Variants in SEC14L2 observed in about 807,000 individuals in gnomAD.
SEC14L2 encodes SEC14 like lipid binding 2.
Under a neutral mutation model 56.9 loss-of-function variants are expected in SEC14L2, and 50 were observed. The ratio of observed to expected loss-of-function variants is 0.88; its 90% CI spans 0.70 to 1.11. The LOEUF is 1.11. Ranked by LOEUF, SEC14L2 falls within the 50% of genes most tolerant of loss-of-function variation. SEC14L2 has a pLI of 0.00. For missense variants in SEC14L2, 414 were observed against 500.7 expected, an observed-to-expected ratio of 0.83 and a Z score of 1.65; for synonymous variants, 179 against 188.5, an observed-to-expected ratio of 0.95 and a Z score of 0.41.
At chr22:30,411,839 C>T (rs1934259236) in intron 8 of SEC14L2, among the ~76,000 whole-genome samples, 1 of 147,902 alleles carries the variant, frequency 6.8e-6, no homozygotes, top group South Asian at 2.2e-4. Context: ...GGTAAATGTA[C>T]AGAAGGGGAA....
intron 8 of SEC14L2, among the ~76,000 whole-genome samples, chr22:30,411,260 T>C (rs1934238217): frequency 6.6e-6 from 1 of 151,122 alleles, no homozygotes; most frequent in Non-Finnish European, 1.5e-5. Flanking sequence ...GACCTTGTTT[T>C]TTAAAAAAAG....
At chr22:30,415,894 C>T (rs1413970447) in intron 9 of SEC14L2, 29 bp downstream of exon 9, 1 of 1,614,176 alleles carries the variant, frequency 6.2e-7, no homozygotes, top group South Asian at 1.1e-5. Flanking sequence ...TAGAGGTGAA[C>T]AGGGATGCCT....
At chr22:30,422,235 C>T in intron 11 of SEC14L2, 42 bp from the exon 12 acceptor site, 1 of 1,611,220 alleles carries the variant, frequency 6.2e-7, no homozygotes. Context: ...AGCCCTTTGC[C>T]AGAACTGCCT....
rs776919983 is a variant in SEC14L2 at position 30,409,213 on chromosome 22, C to T, written c.450C>T (p.Thr150=). 8.7e-6 allele frequency: 14 copies of T among 1,612,658 alleles called. No individual in the cohort carries two copies. The highest frequency in any genetic ancestry group is 1.2e-5 in the Non-Finnish European group (14 of 1,179,272). The change falls in exon 6 of 12, where the codon ACC becomes ACT. Residue 150 remains threonine (T), a synonymous_variant. Coordinates refer to ENST00000615189, the MANE Select transcript of SEC14L2 (RefSeq NM_012429.5). ...TGGGGAGGAAGGTGGAGACCATCAC[C>T]ATAATTTATGACTGCGAGGGGCTTG... is the stretch of plus-strand genomic sequence containing the variant. ...TKLGRKVETI[T]IIYDCEGLGL...
intron 6 of SEC14L2, 56 bp downstream of exon 6, chr22:30,409,338 C>T: frequency 1.3e-6 from 2 of 1,594,552 alleles, no homozygotes; most frequent in South Asian, 2.2e-5. Flanking sequence ...AGGAGTAGAC[C>T]CCTCTCCTAG....
In SEC14L2 at chr22:30,399,672, G is replaced by A. The variant is rs770175976; in HGVS notation, c.84G>A (p.Pro28=). The change falls in exon 2 of 12, where the codon CCG becomes CCA. Residue 28 remains proline, a synonymous_variant. Transcript: ENST00000615189. ...GGGAGAATGTCCAGGATGTGCTGCC[G>A]GCCCTGCCGAATCCAGATGACTATT... is the stretch of plus-strand genomic sequence containing the variant. ...KFRENVQDVL[P]ALPNPDDYFL... The A allele has an allele frequency of 1.9e-5, 31 of 1,613,744 alleles. No homozygotes were observed. Among genetic ancestry groups the A allele is most frequent in the East Asian group, 6.7e-5 (3 of 44,878 alleles).
intron 1 of SEC14L2, chr22:30,397,799 G>A (rs779627699): frequency 4.3e-6 from 2 of 468,768 alleles, no homozygotes; most frequent in Non-Finnish European, 4.4e-6. Context: ...GAGACCAGCC[G>A]TCCCCTATCT....
At chr22:30,409,066 G>T (rs1486190619) in intron 5 of SEC14L2, 121 bp from the exon 6 acceptor site, 1 of 898,486 alleles carries the variant, frequency 1.1e-6, no homozygotes, top group Non-Finnish European at 1.9e-6. Context: ...AAAACTCTAG[G>T]TCCGGCCCTA....
chr22:30,404,840 C>T (rs1445951150), intron 2 of SEC14L2, among the ~76,000 whole-genome samples: 5 of 152,124 alleles, frequency 3.3e-5, no homozygotes, highest in East Asian at 1.9e-4. Flanking sequence ...GAGGCCCAGG[C>T]GGGTGGATCA....
At position 30,414,987 on chromosome 22, in the gene SEC14L2, A is replaced by G. The variant is rs1442134177; in HGVS notation, c.665-772A>G. ...AGTATAATCAGGACAGGGTATGTGC[A>G]TTCAGGCCTTCCTGCCCGCCACACG... On this transcript the variant is annotated intron_variant, in intron 8 of 11. Transcript: ENST00000615189. 3.3e-5 allele frequency among the ~76,000 whole-genome samples: 5 copies of G among 152,184 alleles called. No individual in the cohort carries two copies. In the East Asian group the frequency reaches 7.7e-4, roughly 23 times the overall value.
At chr22:30,409,372 C>T (rs1225331751) in intron 6 of SEC14L2, 54 bp from the exon 7 acceptor site, 1 of 1,604,552 alleles carries the variant, frequency 6.2e-7, no homozygotes, top group Non-Finnish European at 8.5e-7. Flanking sequence ...ATGGGTGAGG[C>T]AATGGGGGCA....
In SEC14L2 at chr22:30,422,389, G is replaced by A. The variant is rs751027997; in HGVS notation, c.1194G>A (p.Gly398=). Reference sequence around the variant, plus strand: ...CAGAAGAGAAGATGAAACAGCTGGGGGCAGGCACCCCGAAATAACACCTTC... The same window carrying A: ...CAGAAGAGAAGATGAAACAGCTGGGAGCAGGCACCCCGAAATAACACCTTC... ...KASEEKMKQL[G]AGTPK Residue 398 remains glycine, a synonymous_variant, in exon 12 of 12, where the codon GGG becomes GGA. Coordinates refer to ENST00000615189, the MANE Select transcript of SEC14L2 (RefSeq NM_012429.5). The A allele has an allele frequency of 3.1e-6, 5 of 1,614,180 alleles. No individual in the cohort carries two copies. The highest frequency in any genetic ancestry group is 2.2e-5 in the South Asian group (2 of 91,080).
intron 8 of SEC14L2, among the ~76,000 whole-genome samples, chr22:30,414,049 T>C (rs993436858): frequency 1.3e-5 from 2 of 152,138 alleles, no homozygotes; most frequent in African/African-American, 2.4e-5. Context: ...CAGGTTGATC[T>C]TGAACTCCTG....
chr22:30,415,523 G>A (rs986308818), intron 8 of SEC14L2, among the ~76,000 whole-genome samples: 1 of 152,140 alleles, frequency 6.6e-6, no homozygotes, highest in Non-Finnish European at 1.5e-5. Context: ...CAGACACGAG[G>A]GCAGGAACCA....
At chr22:30,402,889 GGCAATATA>G (rs1478030538) in intron 2 of SEC14L2, among the ~76,000 whole-genome samples, 1 of 151,732 alleles carries the variant, frequency 6.6e-6, no homozygotes, top group East Asian at 1.9e-4. Flanking sequence ...GACCAGCCTG[GGCAATATA>G]GCAAGACCCT....
Position 30,422,365 on chromosome 22 carries a change from A to T in SEC14L2, c.1170A>T (p.Ser390=), listed in dbSNP as rs1388724132. 6.2e-7 allele frequency: 1 copy of T among 1,614,230 alleles called. No individual in the cohort carries two copies. The highest frequency in any genetic ancestry group is 8.5e-7 in the Non-Finnish European group (1 of 1,180,026). Residue 390 remains serine (S), a synonymous_variant, in exon 12 of 12, where the codon TCA becomes TCT. Coordinates refer to ENST00000615189, the MANE Select transcript of SEC14L2 (RefSeq NM_012429.5). ...AGGTCCTGCTTCCAGACAAAGCCTC[A>T]GAAGAGAAGATGAAACAGCTGGGGG... ...TVEVLLPDKA[S]EEKMKQLGAG... is the part of the protein sequence containing the mutation.
intron 8 of SEC14L2, 59 bp from the exon 9 acceptor site, chr22:30,415,700 T>C (rs1170437151): frequency 2.0e-6 from 3 of 1,469,194 alleles, no homozygotes; most frequent in South Asian, 1.2e-5. Flanking sequence ...ACTAGGGTTA[T>C]GGCGAAATCT....
At chr22:30,416,178 C>T in intron 10 of SEC14L2, 56 bp from the exon 11 acceptor site, 1 of 1,609,000 alleles carries the variant, frequency 6.2e-7, no homozygotes, top group East Asian at 2.2e-5. Flanking sequence ...GTGCCAGGAC[C>T]CCGGAGAGGG....
intron 8 of SEC14L2, 47 bp downstream of exon 8, chr22:30,410,726 T>A: frequency 6.4e-7 from 1 of 1,563,330 alleles, no homozygotes; most frequent in Non-Finnish European, 8.8e-7. Context: ...GTCTGTAGCC[T>A]AAATCGGGTC....
Sources: allele counts gnomAD v4.1 joint callset (sites outside exome capture counted in the v4.1 genomes callset), GRCh38; gene constraint gnomAD v4.1.1; transcripts MANE v1.5; gene names NCBI Gene and HGNC (gene_info 2026-07-23, HGNC 2026-07-21).